PKIA: variants seen among roughly 807,000 people sequenced by gnomAD.
PKIA encodes cAMP-dependent protein kinase inhibitor alpha.
A neutral mutation model predicts 7.6 loss-of-function variants in PKIA; 4 were observed. That is an observed-to-expected ratio of 0.52 (90% CI 0.26 to 1.20). PKIA has a LOEUF of 1.20. Among genes scored for constraint, PKIA ranks in the 50% most tolerant of loss-of-function variants. The pLI, the probability that PKIA is intolerant of heterozygous loss-of-function variation, is 0.13. For missense variants in PKIA, 73 were observed against 86.2 expected, an observed-to-expected ratio of 0.85 and a Z score of 0.61; for synonymous variants, 21 against 30.7, an observed-to-expected ratio of 0.68 and a Z score of 1.04.
At chr8:78,583,174 T>C (rs762127547) in intron 2 of PKIA, among the ~76,000 whole-genome samples, 1 of 152,164 alleles carries the variant, frequency 6.6e-6, no homozygotes, top group Non-Finnish European at 1.5e-5. Context: ...TTGTGAAAAC[T>C]TGCCCTTTAT....
At chr8:78,551,007 C>T (rs558473862) in intron 1 of PKIA, among the ~76,000 whole-genome samples, 1 of 152,138 alleles carries the variant, frequency 6.6e-6, no homozygotes, top group African/African-American at 2.4e-5. Context: ...TTACTCTTGA[C>T]AAGAGACTAT....
intron 2 of PKIA, among the ~76,000 whole-genome samples, chr8:78,582,173 G>GT (rs112095411): frequency 0.052 from 6,772 of 129,590 alleles, 182 homozygotes; most frequent in African/African-American, 0.06. Flanking sequence ...AATATTTCGT[G>GT]TTTTTTTTTT....
At chr8:78,536,303 AC>A (rs952264473) in intron 1 of PKIA, among the ~76,000 whole-genome samples, 8 of 152,260 alleles carry the variant, frequency 5.3e-5, no homozygotes, top group African/African-American at 1.9e-4. Context: ...GCAATTCCAA[AC>A]AAAAATGATA....
At chr8:78,576,170 G>A (rs1807670390) in intron 2 of PKIA, among the ~76,000 whole-genome samples, 2 of 151,912 alleles carry the variant, frequency 1.3e-5, no homozygotes, top group South Asian at 4.1e-4. Flanking sequence ...TTCAACATAT[G>A]AATTTCTGGG....
At chr8:78,520,809 AG>A (rs759352903) in intron 1 of PKIA, among the ~76,000 whole-genome samples, 4 of 152,188 alleles carry the variant, frequency 2.6e-5, no homozygotes, top group Non-Finnish European at 5.9e-5. Context: ...GATTCACTAA[AG>A]CTCTCTTTAC....
chr8:78,532,193 C>T (rs1806404230), intron 1 of PKIA, among the ~76,000 whole-genome samples: 1 of 151,968 alleles, frequency 6.6e-6, no homozygotes, highest in African/African-American at 2.4e-5. Flanking sequence ...AATAATTCTA[C>T]CTTTTCTTAA....
At chr8:78,568,572 C>T (rs575579389) in intron 1 of PKIA, among the ~76,000 whole-genome samples, 81 of 152,180 alleles carry the variant, frequency 5.3e-4, no homozygotes, top group South Asian at 3.3e-3. Context: ...ATAGTGAAAA[C>T]TGGAAGGCAG....
At chr8:78,551,784 T>TG (rs1806990246) in intron 1 of PKIA, among the ~76,000 whole-genome samples, 1 of 151,960 alleles carries the variant, frequency 6.6e-6, no homozygotes, top group African/African-American at 2.4e-5. Context: ...TGGAAGTTAG[T>TG]GGGGCTCTTC....
intron 1 of PKIA, among the ~76,000 whole-genome samples, 175 bp downstream of exon 1, chr8:78,516,643 G>A (rs886867795): frequency 6.6e-6 from 1 of 152,348 alleles, no homozygotes; most frequent in South Asian, 2.1e-4. Context: ...GAGGTTGGAG[G>A]AGCAGTGTTA....
intron 1 of PKIA, among the ~76,000 whole-genome samples, chr8:78,552,557 A>T (rs778968345): frequency 2.1e-4 from 32 of 152,138 alleles, no homozygotes; most frequent in Non-Finnish European, 3.7e-4. Flanking sequence ...TTAGTTTATC[A>T]TTAAGCCCTA....
intron 1 of PKIA, among the ~76,000 whole-genome samples, chr8:78,532,053 G>T (rs1806399451): frequency 6.6e-6 from 1 of 151,990 alleles, no homozygotes; most frequent in African/African-American, 2.4e-5. Flanking sequence ...TTAAGTTCAG[G>T]GGTACATGTG....
chr8:78,569,930 C>CAGATAAATAGAATTTACCAAAT (rs1323988498), intron 1 of PKIA, among the ~76,000 whole-genome samples: 1 of 151,944 alleles, frequency 6.6e-6, no homozygotes, highest in Non-Finnish European at 1.5e-5. Context: ...ACCTCAAGAA[C>CAGATAAATAGAATTTACCAAAT]AGATAAATAG....
chr8:78,526,356 G>A (rs1156676396), intron 1 of PKIA, among the ~76,000 whole-genome samples: 1 of 151,962 alleles, frequency 6.6e-6, no homozygotes, highest in Admixed American at 6.6e-5. Context: ...AAAGTCAATT[G>A]GCTAGCAATC....
intron 1 of PKIA, among the ~76,000 whole-genome samples, chr8:78,522,749 T>A (rs1809440213): frequency 6.6e-6 from 1 of 151,968 alleles, no homozygotes; most frequent in Non-Finnish European, 1.5e-5. Flanking sequence ...TCTAGCTAGT[T>A]TTTAGGGTTT....
chr8:78,524,096 AT>A (rs1445625407), intron 1 of PKIA, among the ~76,000 whole-genome samples: 7 of 130,786 alleles, frequency 5.4e-5, no homozygotes, highest in African/African-American at 2.2e-4. Context: ...AAACATTTAT[AT>A]TTATATATAA....
rs201502065 is a variant in PKIA at position 78,598,546 on chromosome 8, T to A, written c.151+11T>A. The A allele has an allele frequency of 1.4e-5, 22 of 1,599,328 alleles. No homozygotes were observed. Among genetic ancestry groups the A allele is most frequent in the Middle Eastern group, 1.7e-4 (1 of 6,046 alleles). ...ATATCAACAAGACAGGTAAGTCATC[T>A]GGCACACATTTCTCTATGAGCATGG... On this transcript the variant is annotated intron_variant, in intron 3 of 3. Coordinates refer to ENST00000396418, the MANE Select transcript of PKIA (RefSeq NM_006823.4).
chr8:78,549,321 G>C (rs926223135), intron 1 of PKIA, among the ~76,000 whole-genome samples: 3 of 151,856 alleles, frequency 2.0e-5, no homozygotes, highest in Admixed American at 2.0e-4. Flanking sequence ...GAAAAAGCTA[G>C]AGTAGCAGAT....
rs112683187 is a variant in PKIA at position 78,570,401 on chromosome 8, A to G, written c.-156-2410A>G. Among the ~76,000 whole-genome samples the G allele has an allele frequency of 1.8e-3, 275 of 152,282 alleles. 4 individuals carry two copies. Among genetic ancestry groups the G allele is most frequent in the Middle Eastern group, 6.8e-3 (2 of 294 alleles). On this transcript the variant is annotated intron_variant, in intron 1 of 3. Transcript: ENST00000396418. ...TGGCATAACATTCTTCGAGTACTGA[A>G]AGCAAACAACTGCCATGCACGAACT... is the stretch of plus-strand genomic sequence containing the variant.
At chr8:78,541,807 CTTTT>C (rs780479329) in intron 1 of PKIA, among the ~76,000 whole-genome samples, 13 of 134,208 alleles carry the variant, frequency 9.7e-5, no homozygotes, top group Non-Finnish European at 9.7e-5. Context: ...TTGGATTTCT[CTTTT>C]TTTTTTTTTT....
Sources: gnomAD v4.1 joint callset for allele counts (sites outside exome capture counted in the v4.1 genomes callset) on GRCh38, gnomAD v4.1.1 for gene constraint, MANE v1.5 for transcripts, NCBI Gene and HGNC (gene_info 2026-07-23, HGNC 2026-07-21) for gene names.